The following FBXW10B variants were observed in gnomAD, a reference collection of about 807,000 sequenced individuals.
FBXW10B encodes the protein F-box and WD repeat domain containing 10B, also known as F-box and WD repeat domain containing protein 10B.
chr17:15,594,700 G>T, the FBXW10B span: 1 of 1,602,258 alleles, frequency 6.2e-7, no homozygotes, highest in Non-Finnish European at 8.5e-7. Flanking sequence ...CTATGACGGG[G>T]AAGGGAAGGA....
At chr17:15,614,240 G>T in the FBXW10B span, among the ~76,000 whole-genome samples, 1 of 152,112 alleles carries the variant, frequency 6.6e-6, no homozygotes, top group African/African-American at 2.4e-5. Flanking sequence ...CCAGGTTGGA[G>T]TGTAGTGGCG....
the FBXW10B span, among the ~76,000 whole-genome samples, chr17:15,585,075 T>C: frequency 4.0e-5 from 6 of 149,404 alleles, no homozygotes; most frequent in East Asian, 2.0e-4. Context: ...TAGAGTCTCA[T>C]AGGGAAAAAA....
At chr17:15,594,645 G>A in the FBXW10B span, 24 of 1,213,946 alleles carry the variant, frequency 2.0e-5, no homozygotes, top group Admixed American at 6.3e-5. Flanking sequence ...CAGAGAACAC[G>A]ATGTCTACAG....
the FBXW10B span, chr17:15,596,364 C>T: frequency 1.7e-6 from 2 of 1,196,480 alleles, no homozygotes; most frequent in East Asian, 2.5e-5. Flanking sequence ...GAATGCCTCA[C>T]TTTGGGGCCT....
the FBXW10B span, among the ~76,000 whole-genome samples, chr17:15,584,107 G>A: frequency 3.3e-5 from 5 of 152,084 alleles, no homozygotes; most frequent in Non-Finnish European, 4.4e-5. Context: ...ATTTATCTTC[G>A]GAATTTCTTC....
At chr17:15,608,634 A>T in the FBXW10B span, among the ~76,000 whole-genome samples, 1 of 151,166 alleles carries the variant, frequency 6.6e-6, no homozygotes, top group African/African-American at 2.4e-5. Flanking sequence ...TTGTATTTTT[A>T]GTAGCGACGG....
the FBXW10B span, among the ~76,000 whole-genome samples, chr17:15,590,855 A>T: frequency 2.0e-5 from 3 of 152,152 alleles, no homozygotes; most frequent in African/African-American, 7.2e-5. Flanking sequence ...TGATGGAGAC[A>T]CCCCCATCCC....
the FBXW10B span, among the ~76,000 whole-genome samples, chr17:15,617,520 C>T: frequency 6.6e-6 from 1 of 152,128 alleles, no homozygotes; most frequent in African/African-American, 2.4e-5. Context: ...TGAAATGTGA[C>T]CCCCAATGCT....
chr17:15,616,664 G>A, the FBXW10B span, among the ~76,000 whole-genome samples: 2 of 151,770 alleles, frequency 1.3e-5, no homozygotes, highest in African/African-American at 4.8e-5. Flanking sequence ...AAATTAGCCG[G>A]GCGTGGTGGT....
chr17:15,573,073 A>G, the FBXW10B span: 2 of 152,236 alleles, frequency 1.3e-5, no homozygotes, highest in Non-Finnish European at 2.9e-5. Context: ...GCTGGCTACC[A>G]TTGCCTACTC....
chr17:15,601,708 C>T, the FBXW10B span, among the ~76,000 whole-genome samples: 2 of 152,166 alleles, frequency 1.3e-5, no homozygotes, highest in African/African-American at 2.4e-5. Context: ...GTTTACCAAA[C>T]TAATCTATAA....
the FBXW10B span, among the ~76,000 whole-genome samples, chr17:15,611,411 T>C: frequency 6.6e-6 from 1 of 152,208 alleles, no homozygotes; most frequent in African/African-American, 2.4e-5. Context: ...TTTCACATAA[T>C]ACCTCAGGTT....
At chr17:15,607,121 T>C in the FBXW10B span, among the ~76,000 whole-genome samples, 3 of 150,810 alleles carry the variant, frequency 2.0e-5, no homozygotes, top group Non-Finnish European at 4.4e-5. Flanking sequence ...TACTAAAATA[T>C]GTGCTAAGTA....
chr17:15,594,293 A>G, the FBXW10B span, among the ~76,000 whole-genome samples: 1 of 152,020 alleles, frequency 6.6e-6, no homozygotes, highest in Non-Finnish European at 1.5e-5. Flanking sequence ...TAACACCGTG[A>G]AACCCCGTCT....
chr17:15,585,331 A>G, the FBXW10B span, among the ~76,000 whole-genome samples: 1 of 152,202 alleles, frequency 6.6e-6, no homozygotes, highest in Non-Finnish European at 1.5e-5. Context: ...TAGAATTAAA[A>G]GATAAAATTT....
chr17:15,573,860 T>G, the FBXW10B span: 1,044 of 378,218 alleles, frequency 2.8e-3, 11 homozygotes, highest in African/African-American at 0.02. Flanking sequence ...AATTTTTTTT[T>G]GCAAATCAAA....
At chr17:15,591,634 C>T in the FBXW10B span, among the ~76,000 whole-genome samples, 1 of 152,166 alleles carries the variant, frequency 6.6e-6, no homozygotes, top group South Asian at 2.1e-4. Flanking sequence ...GGAGTGAGTG[C>T]CATGTACCTA....
the FBXW10B span, among the ~76,000 whole-genome samples, chr17:15,604,596 G>A: frequency 9.9e-5 from 15 of 152,138 alleles, no homozygotes; most frequent in African/African-American, 2.9e-4. Flanking sequence ...GTGCAGTGGC[G>A]CGATCTCGGC....
At chr17:15,617,135 G>GT in the FBXW10B span, among the ~76,000 whole-genome samples, 12 of 152,248 alleles carry the variant, frequency 7.9e-5, no homozygotes, top group African/African-American at 2.9e-4. Context: ...CTAACTTACT[G>GT]TTTTTGACAC....
Sources: gnomAD v4.1 joint callset for allele counts (sites outside exome capture counted in the v4.1 genomes callset) on GRCh38, gnomAD v4.1.1 for gene constraint, MANE v1.5 for transcripts, NCBI Gene and HGNC (gene_info 2026-07-23, HGNC 2026-07-21) for gene names.